The following TLE4 variants were observed in gnomAD, a reference collection of about 807,000 sequenced individuals.
TLE4 encodes TLE family member 4, transcriptional corepressor, also known as transducin-like enhancer protein 4.
A neutral mutation model predicts 92.8 loss-of-function variants in TLE4; 8 were observed. The observed-to-expected ratio is 0.09, with a 90% CI of 0.05 to 0.16. The LOEUF is 0.16. TLE4 is among the 10% of genes least tolerant of loss of function. TLE4 has a pLI of 1.00. For synonymous variants in TLE4, 371 were observed against 374.1 expected, an observed-to-expected ratio of 0.99 and a Z score of 0.10; for missense variants, 675 against 997.6, an observed-to-expected ratio of 0.68 and a Z score of 4.36.
At chr9:79,614,643 T>C (rs1254817376) in intron 5 of TLE4, among the ~76,000 whole-genome samples, 5 of 152,184 alleles carry the variant, frequency 3.3e-5, no homozygotes, top group South Asian at 4.1e-4. Flanking sequence ...CCAAATACTT[T>C]GACATTTCTT....
At chr9:79,609,403 G>A (rs1340404611) in intron 4 of TLE4, among the ~76,000 whole-genome samples, 2 of 152,066 alleles carry the variant, frequency 1.3e-5, no homozygotes, top group Non-Finnish European at 2.9e-5. Context: ...AGCAGGGATG[G>A]TGATCATTTT....
intron 8 of TLE4, among the ~76,000 whole-genome samples, chr9:79,672,556 G>A (rs7868799): frequency 0.53 from 80,092 of 151,930 alleles, 23,760 homozygotes; most frequent in East Asian, 0.7. Flanking sequence ...TATTTGAGGC[G>A]GTTCATTCTT....
rs2036047511 is a variant in TLE4 at position 79,572,372 on chromosome 9, CAAAT to C, written c.-415_-412del. ...GGAGGAATAACAACCAATTAAAAGA[CAAAT>C]AAAAAAAGTTTGGAGTGGGACGCAG... is the stretch of plus-strand genomic sequence containing the variant. On this transcript the variant is annotated 5_prime_UTR_variant, in exon 1 of 20. Coordinates refer to ENST00000376552, the MANE Select transcript of TLE4 (RefSeq NM_007005.6). 6.6e-6 allele frequency: 1 copy of C among 152,208 alleles called. No individual in the cohort carries two copies. Among genetic ancestry groups the C allele is most frequent in the African/African-American group, 2.4e-5 (1 of 41,552 alleles). 9.4% of individuals were successfully genotyped at this position (152,208 alleles called of 1,614,324 possible).
intron 8 of TLE4, among the ~76,000 whole-genome samples, chr9:79,693,062 C>T (rs1477019375): frequency 6.6e-6 from 1 of 152,168 alleles, no homozygotes; most frequent in South Asian, 2.1e-4. Flanking sequence ...TCCCTTTAGA[C>T]TCTACTCTCT....
chr9:79,674,818 T>A (rs987696983), intron 8 of TLE4, among the ~76,000 whole-genome samples: 2 of 152,218 alleles, frequency 1.3e-5, no homozygotes, highest in African/African-American at 4.8e-5. Flanking sequence ...GTTAAATTTC[T>A]CATATCCAAC....
At chr9:79,711,181 C>A (rs2073186201) in intron 14 of TLE4, among the ~76,000 whole-genome samples, 1 of 152,172 alleles carries the variant, frequency 6.6e-6, no homozygotes. Context: ...TTGTATCAAG[C>A]ACAGTGCTGG....
intron 6 of TLE4, among the ~76,000 whole-genome samples, chr9:79,635,248 T>G (rs1445419111): frequency 6.6e-6 from 1 of 152,188 alleles, no homozygotes; most frequent in Non-Finnish European, 1.5e-5. Context: ...TCTTTTTTGC[T>G]GTCTCTGTAT....
chr9:79,717,872 C>A, intron 14 of TLE4: 1 of 417,446 alleles, frequency 2.4e-6, no homozygotes, highest in Non-Finnish European at 4.8e-6. Context: ...CTGCCACTGG[C>A]GTCTTCTGCT....
chr9:79,583,369 C>T (rs561656413), intron 4 of TLE4, among the ~76,000 whole-genome samples: 6 of 152,140 alleles, frequency 3.9e-5, no homozygotes, highest in East Asian at 1.9e-4. Flanking sequence ...GTGAGTGGAT[C>T]GCACTGTCAT....
rs555602633 is a variant in TLE4 at position 79,596,048 on chromosome 9, G to A, written c.253-16608G>A. ...TTTTTAGTAGAGACAGGGTTTCACC[G>A]TGTTAGCCAGGATGGTCTCGATCTC... is the stretch of plus-strand genomic sequence containing the variant. On this transcript the variant is annotated intron_variant, in intron 4 of 19. Coordinates refer to ENST00000376552, the MANE Select transcript of TLE4 (RefSeq NM_007005.6). Among the ~76,000 whole-genome samples the A allele has an allele frequency of 9.2e-5, 14 of 151,902 alleles. No homozygotes were observed. The South Asian group carries it at 1.0e-3, about 11-fold the overall frequency.
intron 5 of TLE4, among the ~76,000 whole-genome samples, chr9:79,624,092 G>A (rs1400614504): frequency 1.3e-5 from 2 of 151,308 alleles, no homozygotes; most frequent in Admixed American, 6.6e-5. Context: ...CAGACATAAT[G>A]GGAAAGCCCT....
chr9:79,671,498 C>T (rs1323897602), intron 8 of TLE4: 2 of 294,466 alleles, frequency 6.8e-6, no homozygotes, highest in East Asian at 7.7e-5. Flanking sequence ...ACAATTCTGG[C>T]ATTCCTCTAA....
chr9:79,670,685 C>G (rs985476709), intron 8 of TLE4, among the ~76,000 whole-genome samples: 7 of 152,140 alleles, frequency 4.6e-5, no homozygotes, highest in Non-Finnish European at 5.9e-5. Context: ...GCTATGAACT[C>G]TAGACAGCCA....
At chr9:79,627,254 C>G in intron 5 of TLE4, 120 bp from the exon 6 acceptor site, 4 of 987,706 alleles carry the variant, frequency 4.0e-6, no homozygotes, top group Non-Finnish European at 6.3e-6. Context: ...TATTGGAAAC[C>G]TGGAGATCCC....
At chr9:79,659,358 T>G (rs953675126) in intron 8 of TLE4, among the ~76,000 whole-genome samples, 31 of 152,170 alleles carry the variant, frequency 2.0e-4, no homozygotes, top group African/African-American at 6.5e-4. Flanking sequence ...TTTGCTCCTG[T>G]GTACTTCAAT....
At chr9:79,600,036 T>G (rs960273388) in intron 4 of TLE4, among the ~76,000 whole-genome samples, 1 of 152,200 alleles carries the variant, frequency 6.6e-6, no homozygotes, top group African/African-American at 2.4e-5. Flanking sequence ...TCCTGACAAA[T>G]AGTAAGTAGA....
intron 6 of TLE4, among the ~76,000 whole-genome samples, chr9:79,645,307 C>T (rs774617947): frequency 3.9e-5 from 6 of 152,044 alleles, no homozygotes; most frequent in African/African-American, 1.4e-4. Context: ...AAGGAAGGTG[C>T]GTGTTTTTTG....
intron 4 of TLE4, among the ~76,000 whole-genome samples, chr9:79,578,343 C>T (rs530053141): frequency 6.6e-6 from 1 of 152,064 alleles, no homozygotes; most frequent in Non-Finnish European, 1.5e-5. Context: ...TTGGAAGTAC[C>T]CTAGTAATTG....
In TLE4 at chr9:79,704,891, G is replaced by C; in HGVS notation, c.718G>C (p.Ala240Pro). The change falls in exon 9 of 20, where the codon GCA becomes CCA. Residue 240 changes from alanine to proline, a missense_variant. By Grantham distance (27) the Ala-to-Pro change is conservative (BLOSUM62 -1). This residue lies in a region of TLE4 where 280 missense variants were observed against 287.3 expected (regional missense o/e 0.97). Coordinates refer to ENST00000376552, the MANE Select transcript of TLE4 (RefSeq NM_007005.6). The stretch of plus-strand genomic sequence containing the variant: ...GCAGAAAACTGAAGAAAAGGAAATT[G>C]CAGCTCGTTATGTAAGTTCATTCAC... ...KKQKTEEKEI[A>P]ARYDSDGEKS... The C allele has an allele frequency of 1.2e-6, 2 of 1,614,128 alleles. No individual in the cohort carries two copies.
Sources: allele counts gnomAD v4.1 joint callset (sites outside exome capture counted in the v4.1 genomes callset), GRCh38; gene constraint gnomAD v4.1.1; regional missense constraint gnomAD v4.1.1; transcripts MANE v1.5; gene names NCBI Gene and HGNC (gene_info 2026-07-23, HGNC 2026-07-21).